PALM: variants seen among roughly 807,000 people sequenced by gnomAD.
PALM encodes paralemmin.
Under a neutral mutation model 30.7 loss-of-function variants are expected in PALM, and 18 were observed. The observed-to-expected ratio is 0.59, with a 90% CI of 0.41 to 0.87. PALM has a LOEUF of 0.87. Among genes scored for constraint, PALM ranks in the 40% least tolerant of loss-of-function variants. The pLI is 0.00. For synonymous variants in PALM, 286 were observed against 242.8 expected, an observed-to-expected ratio of 1.18 and a Z score of -1.66; for missense variants, 529 against 555.4, an observed-to-expected ratio of 0.95 and a Z score of 0.48.
At chr19:725,659 T>G (rs897692284) in intron 1 of PALM, among the ~76,000 whole-genome samples, 1 of 152,162 alleles carries the variant, frequency 6.6e-6, no homozygotes, top group African/African-American at 2.4e-5. Flanking sequence ...CGTCTCCCTG[T>G]CTGGGCTTTT....
rs1421545035 is a variant in PALM at position 742,803 on chromosome 19, A to G, written c.634+2320A>G. On this transcript the variant is annotated intron_variant, in intron 8 of 8. Coordinates refer to ENST00000338448, the MANE Select transcript of PALM (RefSeq NM_002579.3). This position sits in a 1 kb window ranked among gnomAD's most constrained non-coding sequence, Gnocchi z 5.5. ...CCATGGTGGGTTTATCCCTTCTTCC[A>G]TCTGTAGACAGTTGGGCTGTTTCTA... 1.3e-5 allele frequency among the ~76,000 whole-genome samples: 2 copies of G among 152,078 alleles called. No individual in the cohort carries two copies. The highest frequency in any genetic ancestry group is 6.6e-5 in the Admixed American group (1 of 15,252).
intron 8 of PALM, among the ~76,000 whole-genome samples, chr19:744,560 T>C (rs2033282831): frequency 6.6e-6 from 1 of 151,988 alleles, no homozygotes; most frequent in Non-Finnish European, 1.5e-5. Flanking sequence ...AAATTTCAAT[T>C]TAAGATCAAT....
At chr19:717,015 C>T (rs545227650) in intron 1 of PALM, among the ~76,000 whole-genome samples, 20 of 151,968 alleles carry the variant, frequency 1.3e-4, no homozygotes, top group Non-Finnish European at 2.8e-4. Context: ...CTGCAACCTC[C>T]GCCTCCCGGG....
At chr19:738,011 C>A (rs1008256693) in intron 7 of PALM, among the ~76,000 whole-genome samples, 5 of 152,126 alleles carry the variant, frequency 3.3e-5, no homozygotes, top group African/African-American at 1.2e-4. Context: ...GGGGAGGAGG[C>A]TGGGATGGGC....
At position 741,242 on chromosome 19, in the gene PALM, G is replaced by A. The variant is rs77192966; in HGVS notation, c.634+759G>A. Among the ~76,000 whole-genome samples the A allele has an allele frequency of 4.4e-3, 675 of 152,222 alleles. 27 individuals carry two copies. In the East Asian group the frequency reaches 0.076, roughly 17 times the overall value. ...AGTCTCACAGGGTGAGGATGGGGCC[G>A]GGGGAGGCTTCCCAGAGGAGGCAAG... is the stretch of plus-strand genomic sequence containing the variant. On this transcript the variant is annotated intron_variant, in intron 8 of 8. Coordinates refer to ENST00000338448, the MANE Select transcript of PALM (RefSeq NM_002579.3).
At chr19:737,123 A>T (rs2283584) in intron 7 of PALM, among the ~76,000 whole-genome samples, 69,728 of 152,046 alleles carry the variant, frequency 0.46, 16,628 homozygotes, top group African/African-American at 0.58. Flanking sequence ...ACAGGGCTGG[A>T]AGGAAGGAGA....
At chr19:741,404 C>G (rs113845031) in intron 8 of PALM, among the ~76,000 whole-genome samples, 5 of 99,094 alleles carry the variant, frequency 5.0e-5, no homozygotes, top group African/African-American at 7.9e-5. Flanking sequence ...TGAGGGGAGA[C>G]GGGCTGCAGG....
At chr19:737,784 GA>G (rs2033066683) in intron 7 of PALM, among the ~76,000 whole-genome samples, 1 of 152,282 alleles carries the variant, frequency 6.6e-6, no homozygotes, top group African/African-American at 2.4e-5. Context: ...GCAGCGTGAG[GA>G]GGGGGAGAGG....
chr19:719,198 C>T, intron 1 of PALM: 3 of 985,516 alleles, frequency 3.0e-6, no homozygotes, highest in Non-Finnish European at 3.6e-6. Flanking sequence ...GCCCCCATCC[C>T]ACACACGCCC....
chr19:741,774 G>GAGAT (rs1261340726), intron 8 of PALM, among the ~76,000 whole-genome samples: 1 of 152,080 alleles, frequency 6.6e-6, no homozygotes, highest in Non-Finnish European at 1.5e-5. Context: ...CAGGCTGTGG[G>GAGAT]AGATGCCAGG....
At chr19:719,549 TG>T (rs2032386555) in intron 1 of PALM, 2 of 985,562 alleles carry the variant, frequency 2.0e-6, no homozygotes, top group Non-Finnish European at 2.4e-6. Flanking sequence ...ACCCAGCACC[TG>T]CCCCGGGACC....
intron 4 of PALM, among the ~76,000 whole-genome samples, chr19:730,569 A>G (rs1254849997): frequency 6.6e-6 from 1 of 152,210 alleles, no homozygotes; most frequent in Non-Finnish European, 1.5e-5. Flanking sequence ...GCCAGGGGTC[A>G]GGGGACACAG....
chr19:716,441 G>A (rs1331824129), intron 1 of PALM, among the ~76,000 whole-genome samples: 1 of 151,536 alleles, frequency 6.6e-6, no homozygotes, highest in Non-Finnish European at 1.5e-5. Flanking sequence ...GTTTAGATTA[G>A]GACCAGAGTG....
At chr19:724,254 A>G (rs917213434) in intron 1 of PALM, among the ~76,000 whole-genome samples, 5 of 152,104 alleles carry the variant, frequency 3.3e-5, no homozygotes, top group African/African-American at 4.8e-5. Flanking sequence ...AGGGCCCTGT[A>G]TCTTTGAAGC....
intron 6 of PALM, 123 bp downstream of exon 6, chr19:734,317 T>A: frequency 1.1e-6 from 1 of 907,700 alleles, no homozygotes; most frequent in Non-Finnish European, 1.7e-6. Flanking sequence ...CCCAGCACTT[T>A]GGGAGGCCGA....
intron 4 of PALM, among the ~76,000 whole-genome samples, chr19:730,859 G>A (rs1174257705): frequency 6.6e-6 from 1 of 151,988 alleles, no homozygotes; most frequent in African/African-American, 2.4e-5. Context: ...AAATTAGCTG[G>A]GTGTGGTGGT....
In PALM at chr19:746,265, C is replaced by G. The variant is rs764303301; in HGVS notation, c.635-20C>G. 2.5e-6 allele frequency: 4 copies of G among 1,604,178 alleles called. No individual in the cohort carries two copies. Among genetic ancestry groups the G allele is most frequent in the Admixed American group, 3.5e-5 (2 of 57,454 alleles). ...CTCCTGCCTGGAGCTGGGTCATTCTCTCTGTCTCTCCTTGTACAGTGGTCC... is the reference window on the plus strand; with the variant it reads ...CTCCTGCCTGGAGCTGGGTCATTCTGTCTGTCTCTCCTTGTACAGTGGTCC... On this transcript the variant is annotated intron_variant, in intron 8 of 8. Transcript: ENST00000338448. This position sits in a 1 kb window ranked among gnomAD's most constrained non-coding sequence, Gnocchi z 7.1.
rs568827412 is a variant in PALM, at chr19:723,773, G to A, written c.6-2365G>A. Among the ~76,000 whole-genome samples the A allele has an allele frequency of 2.6e-5, 4 of 152,056 alleles. No homozygotes were observed. In the South Asian group the frequency reaches 8.3e-4, roughly 32 times the overall value. ...GCTCGGCTAATTTTTGTATTTTTTG[G>A]TAGAGACGGGGTTTTACCGTCTCTG... On this transcript the variant is annotated intron_variant, in intron 1 of 8. Coordinates refer to ENST00000338448, the MANE Select transcript of PALM (RefSeq NM_002579.3).
chr19:719,547 C>T (rs1390455469), intron 1 of PALM: 1 of 985,562 alleles, frequency 1.0e-6, no homozygotes, highest in Non-Finnish European at 1.2e-6. Context: ...AGACCCAGCA[C>T]CTGCCCCGGG....
Sources: allele counts gnomAD v4.1 joint callset (sites outside exome capture counted in the v4.1 genomes callset), GRCh38; gene constraint gnomAD v4.1.1; non-coding constraint Gnocchi (gnomAD v3.1); transcripts MANE v1.5; gene names NCBI Gene and HGNC (gene_info 2026-07-23, HGNC 2026-07-21).